Variants in PTPN14 observed in about 807,000 individuals in gnomAD.
The protein encoded by PTPN14 is tyrosine-protein phosphatase non-receptor type 14.
PTPN14 carries 53 observed loss-of-function variants against 126.8 expected under a neutral mutation model. The ratio of observed to expected loss-of-function variants is 0.42; its 90% confidence interval spans 0.34 to 0.53. The LOEUF (loss-of-function observed/expected upper bound fraction) is 0.53, where lower values mean the gene tolerates loss of function less well. Ranked by LOEUF, PTPN14 falls within the 20% of genes least tolerant of loss-of-function variation. The probability of loss-of-function intolerance (pLI) is 0.08; values close to 1 mark genes in which losing one functional copy is unlikely to be tolerated. For missense variants in PTPN14, 1,257 were observed against 1,552.9 expected, an observed-to-expected ratio of 0.81 and a Z score of 3.20; for synonymous variants, 630 against 599.3, an observed-to-expected ratio of 1.05 and a Z score of -0.75.
chr1:214,447,665 G>C (rs375118838), intron 3 of PTPN14, among the ~76,000 whole-genome samples: 3 of 151,796 alleles, frequency 2.0e-5, no homozygotes, highest in African/African-American at 7.3e-5. Flanking sequence ...GGGCCCCTTG[G>C]AGGCAACAAA....
chr1:214,441,283 A>G (rs1660031949), intron 3 of PTPN14, among the ~76,000 whole-genome samples: 1 of 152,204 alleles, frequency 6.6e-6, no homozygotes, highest in Non-Finnish European at 1.5e-5. Flanking sequence ...TACCATGACT[A>G]CTACTGTTAC....
chr1:214,459,624 C>T (rs1660463773), intron 2 of PTPN14, among the ~76,000 whole-genome samples: 1 of 152,074 alleles, frequency 6.6e-6, no homozygotes, highest in African/African-American at 2.4e-5. Context: ...CATGTGCCAC[C>T]ACGCCCAGCT....
At chr1:214,540,598 A>G (rs1288745404) in intron 1 of PTPN14, among the ~76,000 whole-genome samples, 1 of 152,188 alleles carries the variant, frequency 6.6e-6, no homozygotes, top group Non-Finnish European at 1.5e-5. Context: ...ATCACTCTGT[A>G]CAAGTGGTAC....
chr1:214,550,154 C>T (rs1478331985), intron 1 of PTPN14, among the ~76,000 whole-genome samples: 23 of 151,858 alleles, frequency 1.5e-4, no homozygotes, highest in Non-Finnish European at 3.2e-4. Context: ...GTTTCCTCCA[C>T]TAGGCTGCAG....
At chr1:214,374,762 G>A (rs1228157355) in intron 15 of PTPN14, among the ~76,000 whole-genome samples, 1 of 152,202 alleles carries the variant, frequency 6.6e-6, no homozygotes, top group East Asian at 1.9e-4. Flanking sequence ...ACCAAGGAAG[G>A]GAATGCTCCT....
chr1:214,486,629 A>C (rs937982576), intron 1 of PTPN14, among the ~76,000 whole-genome samples: 11 of 152,206 alleles, frequency 7.2e-5, no homozygotes, highest in African/African-American at 2.7e-4. Context: ...AAAACGGAAA[A>C]AAACTGAGAT....
At chr1:214,494,973 A>C (rs982098046) in intron 1 of PTPN14, among the ~76,000 whole-genome samples, 4 of 152,216 alleles carry the variant, frequency 2.6e-5, no homozygotes, top group African/African-American at 9.6e-5. Flanking sequence ...AGATGACTGC[A>C]CAATAAAATC....
At chr1:214,415,927 A>G (rs755312278) in intron 3 of PTPN14, among the ~76,000 whole-genome samples, 23 of 152,352 alleles carry the variant, frequency 1.5e-4, no homozygotes, top group Non-Finnish European at 1.6e-4. Context: ...ATCACGAAGC[A>G]AAACAAAAAG....
At chr1:214,512,439 TCA>T (rs1655000855) in intron 1 of PTPN14, among the ~76,000 whole-genome samples, 1 of 152,092 alleles carries the variant, frequency 6.6e-6, no homozygotes, top group African/African-American at 2.4e-5. Flanking sequence ...ACTGACACAA[TCA>T]GTCAGTCACA....
chr1:214,462,556 G>A (rs1175333172), intron 2 of PTPN14, among the ~76,000 whole-genome samples: 1 of 152,192 alleles, frequency 6.6e-6, no homozygotes, highest in Non-Finnish European at 1.5e-5. Context: ...TTGGTTCAGA[G>A]TGAAGGCTAT....
At chr1:214,371,086 A>T (rs562574097) in intron 16 of PTPN14, among the ~76,000 whole-genome samples, 15 of 152,142 alleles carry the variant, frequency 9.9e-5, no homozygotes, top group Non-Finnish European at 1.9e-4. Flanking sequence ...GGATTTTAAA[A>T]GACTATAAGT....
rs576999116 is a variant in PTPN14 at position 214,517,816 on chromosome 1, A to C, written c.-155+33367T>G. Reference sequence around the variant, plus strand: ...AAAAATTATCCAGGAGTCGTGGCACATGCCTGTAATCCCAGCTACTCTAGA... The same window carrying C: ...AAAAATTATCCAGGAGTCGTGGCACCTGCCTGTAATCCCAGCTACTCTAGA... On this transcript the variant is annotated intron_variant, in intron 1 of 18. Coordinates refer to ENST00000366956, the MANE Select transcript of PTPN14 (RefSeq NM_005401.5). Among the ~76,000 whole-genome samples, 507 of 152,236 alleles carry C rather than the reference A, an allele frequency of 3.3e-3. 4 individuals carry two copies. Among genetic ancestry groups the C allele is most frequent in the African/African-American group, 0.012 (483 of 41,542 alleles).
intron 1 of PTPN14, among the ~76,000 whole-genome samples, chr1:214,469,366 G>A (rs1380948088): frequency 1.3e-5 from 2 of 152,104 alleles, no homozygotes; most frequent in African/African-American, 4.8e-5. Context: ...GAATACCTCT[G>A]CTTTGTCATT....
chr1:214,376,821 A>T (rs1267485291), intron 14 of PTPN14, among the ~76,000 whole-genome samples: 1 of 152,150 alleles, frequency 6.6e-6, no homozygotes, highest in Non-Finnish European at 1.5e-5. Flanking sequence ...AGCTCTGAGG[A>T]TTAAATCACT....
chr1:214,358,102 G>T, intron 18 of PTPN14, 52 bp from the exon 19 acceptor site: 1 of 1,593,856 alleles, frequency 6.3e-7, no homozygotes, highest in South Asian at 1.1e-5. Flanking sequence ...GCTTCCCTTT[G>T]AGCATTCCTC....
At chr1:214,482,698 C>T (rs1263823929) in intron 1 of PTPN14, 23 of 1,153,906 alleles carry the variant, frequency 2.0e-5, no homozygotes, top group Non-Finnish European at 2.7e-5. Context: ...GACTTAAATC[C>T]AAGAGCAAAA....
At chr1:214,457,074 A>T (rs1660400074) in intron 2 of PTPN14, among the ~76,000 whole-genome samples, 1 of 152,226 alleles carries the variant, frequency 6.6e-6, no homozygotes, top group Non-Finnish European at 1.5e-5. Flanking sequence ...ATTAGCATGA[A>T]ATCAAACCAC....
intron 1 of PTPN14, chr1:214,532,147 C>T (rs565880261): frequency 3.7e-4 from 106 of 290,080 alleles, no homozygotes; most frequent in African/African-American, 1.8e-3. Context: ...ATACTGAGGT[C>T]GTTGGCAAAG....
chr1:214,511,865 C>A (rs1253213428), intron 1 of PTPN14, among the ~76,000 whole-genome samples: 2 of 152,146 alleles, frequency 1.3e-5, no homozygotes, highest in Non-Finnish European at 2.9e-5. Context: ...ATGGATGAAC[C>A]TTGAGGATAT....
Sources: gnomAD v4.1 joint callset for allele counts (sites outside exome capture counted in the v4.1 genomes callset) on GRCh38, gnomAD v4.1.1 for gene constraint, MANE v1.5 for transcripts, NCBI Gene and HGNC (gene_info 2026-07-23, HGNC 2026-07-21) for gene names.